Variants in PCDHA1 observed in about 807,000 individuals in gnomAD.
PCDHA1 encodes the protein protocadherin alpha 1.
Under a neutral mutation model 61.3 loss-of-function variants are expected in PCDHA1, and 42 were observed. That is an observed-to-expected ratio of 0.69 (90% CI 0.54 to 0.89). PCDHA1 has a LOEUF of 0.89. Ranked by LOEUF, PCDHA1 falls within the 40% of genes least tolerant of loss-of-function variation. The probability of loss-of-function intolerance (pLI) is 0.00; values close to 1 mark genes in which losing one functional copy is unlikely to be tolerated. For synonymous variants in PCDHA1, 610 were observed against 553.8 expected (o/e 1.10, Z -1.43); for missense variants, 1,256 against 1,235.3 (o/e 1.02, Z -0.25).
At chr5:140,871,624 A>G in intron 1 of PCDHA1, 1 of 1,409,596 alleles carries the variant, frequency 7.1e-7, no homozygotes, top group African/African-American at 1.4e-5. Context: ...TTTAGATAAC[A>G]ATGTCTGTTC....
chr5:140,902,734 C>T (rs1345954248), intron 1 of PCDHA1, among the ~76,000 whole-genome samples: 1 of 151,052 alleles, frequency 6.6e-6, no homozygotes, highest in Non-Finnish European at 1.5e-5. Flanking sequence ...CCCTCCAAGT[C>T]CCCCAAATCC....
chr5:140,995,511 A>G (rs561169284), intron 3 of PCDHA1, among the ~76,000 whole-genome samples: 1 of 152,342 alleles, frequency 6.6e-6, no homozygotes, highest in Admixed American at 6.5e-5. Flanking sequence ...TGGGTAACTG[A>G]AGCCTCAGAA....
intron 1 of PCDHA1, chr5:140,821,792 G>A: frequency 6.2e-7 from 1 of 1,612,576 alleles, no homozygotes; most frequent in Non-Finnish European, 8.5e-7. Flanking sequence ...TATTCCCGGA[G>A]AGGAAGTCTG....
rs1554117398 is a variant in PCDHA1 at position 140,786,456 on chromosome 5, C to T, written c.166C>T (p.Leu56=). ...CGTTGCTCAGGACCTGGGACTGGAG[C>T]TGGCGGAGCTGGTGCCTCGCCTGTT... is the stretch of plus-strand genomic sequence containing the variant. ...GRVAQDLGLE[L]AELVPRLFRV... Residue 56 remains leucine (L), a synonymous_variant, in exon 1 of 4, where the codon CTG becomes TTG. Transcript: ENST00000504120. 1.2e-6 allele frequency: 2 copies of T among 1,613,578 alleles called. No homozygotes were observed. Among genetic ancestry groups the T allele is most frequent in the South Asian group, 2.2e-5 (2 of 91,054 alleles).
chr5:140,925,371 A>ATATT (rs1554202717), intron 1 of PCDHA1, among the ~76,000 whole-genome samples: 1 of 152,136 alleles, frequency 6.6e-6, no homozygotes, highest in Non-Finnish European at 1.5e-5. Context: ...CATAGTCAAT[A>ATATT]GTCAATGAGT....
intron 1 of PCDHA1, chr5:140,808,714 G>A (rs782290145): frequency 3.7e-6 from 6 of 1,612,100 alleles, no homozygotes; most frequent in African/African-American, 1.3e-5. Context: ...GCTACGTTTC[G>A]GTGCATGCGG....
intron 1 of PCDHA1, among the ~76,000 whole-genome samples, chr5:140,941,846 C>T (rs2093181493): frequency 6.6e-6 from 1 of 152,178 alleles, no homozygotes; most frequent in Non-Finnish European, 1.5e-5. Flanking sequence ...CTGCCATTAC[C>T]TGATATTCCC....
rs564427730 is a variant in PCDHA1, at chr5:140,788,263, C to T, written c.1973C>T (p.Ala658Val). Residue 658 changes from alanine (A) to valine (V), a missense_variant, in exon 1 of 4, where the codon GCG becomes GTG. Physicochemically the swap from Ala to Val is moderately conservative, Grantham distance 64. Coordinates refer to ENST00000504120, the MANE Select transcript of PCDHA1 (RefSeq NM_018900.4). ...CTAGTGAAGGATCACGGTGAGCCGG[C>T]GCTGACAGCCACGGCCACTGTGCTT... ...LVLVKDHGEP[A>V]LTATATVLVS... is the part of the protein sequence containing the mutation. 3.1e-6 allele frequency: 5 copies of T among 1,613,956 alleles called. No individual in the cohort carries two copies. The African/African-American group carries it at 5.3e-5, about 17-fold the overall frequency.
chr5:140,948,189 G>A (rs1032631604), intron 1 of PCDHA1, among the ~76,000 whole-genome samples: 4 of 151,532 alleles, frequency 2.6e-5, no homozygotes, highest in African/African-American at 9.7e-5. Context: ...ATCCCACTTA[G>A]TCATGATATA....
rs145430316 is a variant in PCDHA1 at position 140,849,629 on chromosome 5, C to T, written c.2394+60945C>T. The T allele has an allele frequency of 6.9e-4, 1,102 of 1,598,720 alleles. 110 individuals carry two copies. The highest frequency in any genetic ancestry group is 1.2e-3 in the South Asian group (106 of 90,564). On this transcript the variant is annotated intron_variant, in intron 1 of 3. Transcript: ENST00000504120. ...CCCTGATTAGTGTGATCGACCTAGA[C>T]GCAGATGCCAACGGGCAGGTTACCT...
chr5:140,995,233 G>A (rs1359304274), intron 3 of PCDHA1, among the ~76,000 whole-genome samples: 1 of 152,128 alleles, frequency 6.6e-6, no homozygotes, highest in Non-Finnish European at 1.5e-5. Flanking sequence ...TTTGGGGCCA[G>A]TATTAAGTAA....
intron 1 of PCDHA1, chr5:140,836,884 T>A (rs1387111400): frequency 1.6e-6 from 1 of 642,656 alleles, no homozygotes; most frequent in Non-Finnish European, 2.5e-6. Flanking sequence ...TTGCACTAAT[T>A]ATTTGGAAGT....
At chr5:140,794,979 C>G (rs1395231181) in intron 1 of PCDHA1, 4 of 1,610,484 alleles carry the variant, frequency 2.5e-6, no homozygotes, top group Non-Finnish European at 2.5e-6. Context: ...CGTCTTCTAT[C>G]AGAAGGGGCC....
intron 1 of PCDHA1, chr5:140,857,079 A>C: frequency 6.3e-7 from 1 of 1,597,252 alleles, no homozygotes; most frequent in African/African-American, 1.3e-5. Flanking sequence ...GATGAAAATG[A>C]TAATTCACCT....
chr5:140,942,589 T>G (rs1444015331), intron 1 of PCDHA1, among the ~76,000 whole-genome samples: 1 of 148,934 alleles, frequency 6.7e-6, no homozygotes, highest in Non-Finnish European at 1.5e-5. Flanking sequence ...GGATGTCACA[T>G]ATAATTATAG....
chr5:140,841,337 C>G (rs1424910645), intron 1 of PCDHA1: 1 of 1,610,914 alleles, frequency 6.2e-7, no homozygotes, highest in Non-Finnish European at 8.5e-7. Context: ...TTATCACTGG[C>G]GAGGAGAGCT....
At chr5:141,006,880 G>A (rs1554260955) in intron 3 of PCDHA1, among the ~76,000 whole-genome samples, 1 of 152,192 alleles carries the variant, frequency 6.6e-6, no homozygotes, top group Non-Finnish European at 1.5e-5. Flanking sequence ...GAGGAATCAA[G>A]AGTTTGATTT....
intron 3 of PCDHA1, among the ~76,000 whole-genome samples, chr5:140,997,511 G>T (rs565737825): frequency 6.6e-6 from 1 of 151,992 alleles, no homozygotes; most frequent in Non-Finnish European, 1.5e-5. Flanking sequence ...ATACCTAAAC[G>T]CAGAAAAAGT....
chr5:140,841,432 G>A (rs1365563680), intron 1 of PCDHA1: 5 of 1,612,878 alleles, frequency 3.1e-6, no homozygotes, highest in African/African-American at 1.3e-5. Flanking sequence ...CCGTCCCCGA[G>A]GAGGCCAAAC....
Sources: allele counts gnomAD v4.1 joint callset (sites outside exome capture counted in the v4.1 genomes callset), GRCh38; gene constraint gnomAD v4.1.1; transcripts MANE v1.5; gene names NCBI Gene and HGNC (gene_info 2026-07-23, HGNC 2026-07-21).